The following TNXB variants were observed in gnomAD, a reference collection of about 807,000 sequenced individuals.
TNXB encodes tenascin XB.
Under a neutral mutation model 340.5 loss-of-function variants are expected in TNXB, and 183 were observed. The ratio of observed to expected loss-of-function variants is 0.54; its 90% CI spans 0.48 to 0.61. The LOEUF is 0.61. TNXB is among the 20% of genes least tolerant of loss of function. The pLI is 0.00. For synonymous variants in TNXB, 2,121 were observed against 2,314.5 expected (o/e 0.92, Z 2.40); for missense variants, 4,613 against 5,446.4 (o/e 0.85, Z 4.82).
chr6:32,052,180 C>T lies in TNXB; in HGVS notation c.9115+490G>A, dbSNP rs1198756963. Among the ~76,000 whole-genome samples, 2 of 151,920 alleles carry T rather than the reference C, an allele frequency of 1.3e-5. No homozygotes were observed. The highest frequency in any genetic ancestry group is 2.4e-5 in the African/African-American group (1 of 41,338). Reference sequence around the variant, plus strand: ...TAGAAATGGATGGTCGGCTGGGCGCCGTGGCTCACGCCTATGATCCCAGCA... The same window carrying T: ...TAGAAATGGATGGTCGGCTGGGCGCTGTGGCTCACGCCTATGATCCCAGCA... On this transcript the variant is annotated intron_variant, in intron 26 of 43. Coordinates refer to ENST00000644971, the MANE Select transcript of TNXB (RefSeq NM_001365276.2). This position sits in a 1 kb window ranked among gnomAD's most constrained non-coding sequence, Gnocchi z 4.7.
At position 32,061,129 on chromosome 6, in the gene TNXB, T is replaced by C. The variant is rs541560151; in HGVS notation, c.7492+268A>G. ...ATAACAAAGAATGCTGTTATTAAGA[T>C]GGAAAGAAAGGAAAATTCTCGTAAG... On this transcript the variant is annotated intron_variant, in intron 21 of 43. Coordinates refer to ENST00000644971, the MANE Select transcript of TNXB (RefSeq NM_001365276.2). The surrounding 1 kb of genome is among the most constrained non-coding windows in gnomAD (Gnocchi z 4.4). Among the ~76,000 whole-genome samples, 121 of 151,946 alleles carry C rather than the reference T, an allele frequency of 8.0e-4. No homozygotes were observed. Among genetic ancestry groups the C allele is most frequent in the Non-Finnish European group, 1.5e-3 (105 of 68,024 alleles).
In TNXB at chr6:32,055,912, C is replaced by T. The variant is rs1443059352; in HGVS notation, c.8406G>A (p.Met2802Ile). Residue 2802 changes from methionine to isoleucine, a missense_variant, in exon 24 of 44, where the codon ATG (methionine) becomes ATA (isoleucine). This residue lies in a region of TNXB where 4,327 missense variants were observed against 4,859.4 expected (regional missense o/e 0.89). Transcript: ENST00000644971. ...GCCCCTCGTGGAGGCCGTACAGGTG[C>T]ATCTTGTATTTGCGCCCGGGCTCCA... ...GGLEPGRKYK[M>I]HLYGLHEGRR... The T allele has an allele frequency of 1.9e-6, 3 of 1,613,432 alleles. No homozygotes were observed. Among genetic ancestry groups the T allele is most frequent in the Non-Finnish European group, 2.5e-6 (3 of 1,179,888 alleles).
Position 32,053,418 on chromosome 6 carries a change from C to A in TNXB, c.8761G>T (p.Val2921Leu), listed in dbSNP as rs529485424. Residue 2921 changes from valine (V) to leucine (L), a missense_variant, in exon 25 of 44, where the codon GTG (valine) becomes TTG (leucine). Physicochemically the swap from Val to Leu is conservative, Grantham distance 32. Around this residue, in one of 7 missense-constraint regions of TNXB, gnomAD observed 4,327 missense variants for 4,859.4 expected, o/e 0.89. Transcript: ENST00000644971. ...NLYGFHGGQR[V>L]GPISVIGVTA... ...ACCCCAATGACAGAGATGGGGCCCA[C>A]GCGCTGGCCACCGTGGAAGCCGTAC... is the stretch of plus-strand genomic sequence containing the variant. 1.2e-6 allele frequency: 2 copies of A among 1,612,888 alleles called. No individual in the cohort carries two copies. The highest frequency in any genetic ancestry group is 3.3e-5 in the Admixed American group (2 of 60,024).
rs1023491073 is a variant in TNXB at position 32,046,829 on chromosome 6, G to A, written c.10325-373C>T. Among the ~76,000 whole-genome samples the A allele has an allele frequency of 7.7e-4, 117 of 152,316 alleles. No individual in the cohort carries two copies. Among genetic ancestry groups the A allele is most frequent in the African/African-American group, 2.5e-3 (106 of 41,578 alleles). On this transcript the variant is annotated intron_variant, in intron 30 of 43. Transcript: ENST00000644971. This position sits in a 1 kb window ranked among gnomAD's most constrained non-coding sequence, Gnocchi z 6.9. ...AGGCCAGAGCTGAGAGAGACTCCCC[G>A]GAGGTCTCTGGGTTGTCACGGAGAC...
At position 32,087,566 on chromosome 6, in the gene TNXB, C is replaced by A; in HGVS notation, c.2779+1219G>T. ...CCTTCAGGCGAGAGGCCGTAGATTC[C>A]CTGGTTGGAGTCCCGTTTCCTGGTG... On this transcript the variant is annotated intron_variant, in intron 6 of 43. Transcript: ENST00000644971. This position sits in a 1 kb window ranked among gnomAD's most constrained non-coding sequence, Gnocchi z 9.0. 2.4e-6 allele frequency: 1 copy of A among 421,212 alleles called. No homozygotes were observed. The highest frequency in any genetic ancestry group is 4.7e-6 in the Non-Finnish European group (1 of 211,582). 26.1% of individuals were successfully genotyped at this position (421,212 alleles called of 1,614,324 possible). A position where few individuals can be genotyped will look rare whatever the true frequency, so the allele number is the denominator to read the frequency against.
chr6:32,084,993 G>A lies in TNXB; in HGVS notation c.3149-284C>T, dbSNP rs1196239033. ...CAGGTCCCCCTGGTTCTGAATGAGA[G>A]TTTCAAGCCTCCCTGCTGCAGCATC... On this transcript the variant is annotated intron_variant, in intron 7 of 43. Transcript: ENST00000644971. This position sits in a 1 kb window ranked among gnomAD's most constrained non-coding sequence, Gnocchi z 5.5. Among the ~76,000 whole-genome samples, 3 of 152,128 alleles carry A rather than the reference G, an allele frequency of 2.0e-5. No individual in the cohort carries two copies. The highest frequency in any genetic ancestry group is 2.9e-5 in the Non-Finnish European group (2 of 68,024).
rs761852401 is a variant in TNXB, at chr6:32,088,890, C to T, written c.2674G>A (p.Gly892Arg). Residue 892 changes from glycine to arginine, a missense_variant, in exon 6 of 44, where the codon GGG (glycine) becomes AGG (arginine). By Grantham distance (125) the Gly-to-Arg change is moderately radical. Around this residue, in one of 7 missense-constraint regions of TNXB, gnomAD observed 4,327 missense variants for 4,859.4 expected, o/e 0.89. Transcript: ENST00000644971. ...VRLEVPPEAD[G>R]TLLTDLMPGV... Reference sequence around the variant, plus strand: ...GGCATCAGGTCAGTCAGCAGCGTCCCGTCTGCTTCAGGGGGCACTTCCAGC... The same window carrying T: ...GGCATCAGGTCAGTCAGCAGCGTCCTGTCTGCTTCAGGGGGCACTTCCAGC... 8 of 1,591,274 alleles carry T rather than the reference C, an allele frequency of 5.0e-6. No homozygotes were observed. The East Asian group carries it at 1.1e-4, about 23-fold the overall frequency.
rs866652620 is a variant in TNXB at position 32,082,729 on chromosome 6, C to T, written c.3446-403G>A. Among the ~76,000 whole-genome samples the T allele has an allele frequency of 1.3e-5, 2 of 152,186 alleles. No individual in the cohort carries two copies. The highest frequency in any genetic ancestry group is 1.9e-4 in the East Asian group (1 of 5,196). ...AAGCCTAACTACTAGCTGGCTTCTT[C>T]TCCAAGAGAGGAGAGCACAATCCTT... On this transcript the variant is annotated intron_variant, in intron 8 of 43. Coordinates refer to ENST00000644971, the MANE Select transcript of TNXB (RefSeq NM_001365276.2). The surrounding 1 kb of genome is among the most constrained non-coding windows in gnomAD (Gnocchi z 5.0).
In TNXB at chr6:32,058,224, G is replaced by A. The variant is rs746637415; in HGVS notation, c.7659C>T (p.Thr2553=). ...GCCCGTCCCTGTCCTTGTACTGCAC[G>A]GTGAAGGAGTCAAAGCGGCCCTGGG... ...TVPQGRFDSF[T]VQYKDRDGRP... The change falls in exon 22 of 44, where the codon ACC becomes ACT. Residue 2553 remains threonine (T), a synonymous_variant. Coordinates refer to ENST00000644971, the MANE Select transcript of TNXB (RefSeq NM_001365276.2). The surrounding 1 kb of genome is among the most constrained non-coding windows in gnomAD (Gnocchi z 5.1). 2.2e-5 allele frequency: 36 copies of A among 1,612,354 alleles called. No homozygotes were observed. The highest frequency in any genetic ancestry group is 1.7e-4 in the Middle Eastern group (1 of 5,794).
Position 32,048,363 on chromosome 6 carries a change from C to T in TNXB, c.10045G>A (p.Ala3349Thr), listed in dbSNP as rs529527925. The T allele has an allele frequency of 1.2e-5, 17 of 1,474,872 alleles. No homozygotes were observed. In the African/African-American group the frequency reaches 1.8e-4, roughly 16 times the overall value. The allele number at this position is 1,474,872 out of a possible 1,614,324, so 91.4% of individuals were successfully genotyped here. ...CGGGAGGCCTCCAGCCCTCACTCAC[C>T]GGTCCTGGCCTCCACAGGGACTGGG... ...HGPVPVEARTAPDTKPSPRLG... is the reference protein window; with the variant it reads ...HGPVPVEARTTPDTKPSPRLG... Residue 3349 changes from alanine to threonine, a missense_variant and splice_region_variant, in exon 29 of 44, where the codon GCC becomes ACC. Physicochemically the swap from Ala to Thr is moderately conservative, Grantham distance 58. Coordinates refer to ENST00000644971, the MANE Select transcript of TNXB (RefSeq NM_001365276.2).
intron 21 of TNXB, among the ~76,000 whole-genome samples, chr6:32,060,259 G>A (rs951869790): frequency 6.8e-6 from 1 of 148,014 alleles, no homozygotes; most frequent in Admixed American, 6.6e-5. Flanking sequence ...TTGAATCCAG[G>A]AGGCAGAGGT....
At chr6:32,098,537 G>C (rs1260981253) in intron 1 of TNXB, among the ~76,000 whole-genome samples, 2 of 152,138 alleles carry the variant, frequency 1.3e-5, no homozygotes, top group Non-Finnish European at 2.9e-5. Flanking sequence ...CTGGAGTGCA[G>C]TGGTGCGATC....
chr6:32,084,496 T>C lies in TNXB; in HGVS notation c.3362A>G (p.Asp1121Gly). 1 of 1,608,932 alleles carries C rather than the reference T, an allele frequency of 6.2e-7. No homozygotes were observed. Among genetic ancestry groups the C allele is most frequent in the Non-Finnish European group, 8.5e-7 (1 of 1,178,574 alleles). The change falls in exon 8 of 44, where the codon GAT (aspartate) becomes GGT (glycine). Residue 1121 changes from aspartate to glycine, a missense_variant. Coordinates refer to ENST00000644971, the MANE Select transcript of TNXB (RefSeq NM_001365276.2). The surrounding 1 kb of genome is among the most constrained non-coding windows in gnomAD (Gnocchi z 5.5). ...PQRSAVITSL[D>G]PGRKYKFVLY... Reference sequence around the variant, plus strand: ...GACAAATTTGTACTTGCGGCCAGGATCCAGGGAGGTGATGACGGCCGAGCG... The same window carrying C: ...GACAAATTTGTACTTGCGGCCAGGACCCAGGGAGGTGATGACGGCCGAGCG...
chr6:32,098,684 C>T (rs189935186), intron 1 of TNXB, among the ~76,000 whole-genome samples: 3 of 152,176 alleles, frequency 2.0e-5, no homozygotes, highest in Non-Finnish European at 1.5e-5. Flanking sequence ...TTCTCCATGT[C>T]GGTCAGGCTG....
chr6:32,046,368 T>G lies in TNXB; in HGVS notation c.10413A>C (p.Val3471=). The G allele has an allele frequency of 1.2e-6, 2 of 1,604,250 alleles. No individual in the cohort carries two copies. The highest frequency in any genetic ancestry group is 1.7e-6 in the Non-Finnish European group (2 of 1,176,564). Residue 3471 remains valine, a synonymous_variant, in exon 31 of 44, where the codon GTA becomes GTC. Transcript: ENST00000644971. The surrounding 1 kb of genome is among the most constrained non-coding windows in gnomAD (Gnocchi z 6.9). ...TSSSLRLSWT[V]AQGPFDSFVV... is the part of the protein sequence containing the mutation. ...CGAAGGAGTCAAAGGGGCCCTGGGC[T>G]ACCGTCCAGGACAGGCGCAGAGAGC...
At position 32,079,055 on chromosome 6, in the gene TNXB, C is replaced by T. The variant is rs61998180; in HGVS notation, c.4353G>A (p.Pro1451=). 4.7e-4 allele frequency: 764 copies of T among 1,612,592 alleles called. 7 individuals carry two copies. The African/African-American group carries it at 8.1e-3, about 17-fold the overall frequency. Residue 1451 remains proline (P), a synonymous_variant, in exon 11 of 44, where the codon CCG becomes CCA. Coordinates refer to ENST00000644971, the MANE Select transcript of TNXB (RefSeq NM_001365276.2). The surrounding 1 kb of genome is among the most constrained non-coding windows in gnomAD (Gnocchi z 7.1). The part of the protein sequence containing the change: ...YGLHEGQRVG[P]VSAVGVTAPQ... ...CACCTGTCACGCCCACGGCGGACAC[C>T]GGGCCCACGCGCTGCCCCTCGTGGA... is the stretch of plus-strand genomic sequence containing the variant.
chr6:32,049,977 G>C lies in TNXB; in HGVS notation c.9439+21C>G. The C allele has an allele frequency of 6.2e-7, 1 of 1,612,276 alleles. No homozygotes were observed. Among genetic ancestry groups the C allele is most frequent in the Non-Finnish European group, 8.5e-7 (1 of 1,178,606 alleles). ...TGGCCCTCCCACAGCTCCCACCCTGGGGCTCCCATCATTCACTCACCCGTC... is the reference window on the plus strand; with the variant it reads ...TGGCCCTCCCACAGCTCCCACCCTGCGGCTCCCATCATTCACTCACCCGTC... On this transcript the variant is annotated intron_variant, in intron 27 of 43. Transcript: ENST00000644971. The surrounding 1 kb of genome is among the most constrained non-coding windows in gnomAD (Gnocchi z 4.5).
In TNXB at chr6:32,044,323, T is replaced by G. The variant is rs1458607098; in HGVS notation, c.11263+58A>C. The G allele has an allele frequency of 2.8e-5, 12 of 427,424 alleles. No individual in the cohort carries two copies. The Admixed American group carries it at 3.9e-4, about 14-fold the overall frequency. The allele number at this position is 427,424 out of a possible 1,614,324, so 26.5% of individuals were successfully genotyped here. On this transcript the variant is annotated intron_variant, in intron 33 of 43. Coordinates refer to ENST00000644971, the MANE Select transcript of TNXB (RefSeq NM_001365276.2). ...CCCCACCGCTGGCTGAGGCACTAGG[T>G]CCCCCCCGTGAAGTACAAAGACCCC...
rs1472991847 is a variant in TNXB at position 32,068,356 on chromosome 6, G to A, written c.6220+34C>T. 7.5e-6 allele frequency: 12 copies of A among 1,606,626 alleles called. No homozygotes were observed. Among genetic ancestry groups the A allele is most frequent in the East Asian group, 2.2e-5 (1 of 44,776 alleles). ...AAGAGCAAGAGGGTGACCCTCCCAT[G>A]GCTCCCACCCTGGGGCTCCCATCAT... On this transcript the variant is annotated intron_variant, in intron 17 of 43. Transcript: ENST00000644971. The surrounding 1 kb of genome is among the most constrained non-coding windows in gnomAD (Gnocchi z 5.3).
Sources: allele counts gnomAD v4.1 joint callset (sites outside exome capture counted in the v4.1 genomes callset), GRCh38; gene constraint gnomAD v4.1.1; regional missense constraint gnomAD v4.1.1; non-coding constraint Gnocchi (gnomAD v3.1); transcripts MANE v1.5; gene names NCBI Gene and HGNC (gene_info 2026-07-23, HGNC 2026-07-21).